U2SURP: variants seen among roughly 807,000 people sequenced by gnomAD.
The protein encoded by U2SURP is U2 snRNP-associated SURP motif-containing protein.
Under a neutral mutation model 144.9 loss-of-function variants are expected in U2SURP, and 9 were observed. The observed-to-expected ratio is 0.06, with a 90% CI of 0.04 to 0.11. The LOEUF (loss-of-function observed/expected upper bound fraction) is 0.11, where lower values mean the gene tolerates loss of function less well. U2SURP is among the 10% of genes least tolerant of loss of function. The pLI, the probability that U2SURP is intolerant of heterozygous loss-of-function variation, is 1.00. For missense variants in U2SURP, 724 were observed against 1,226.7 expected (o/e 0.59, Z 6.12); for synonymous variants, 408 against 396.8 (o/e 1.03, Z -0.33).
rs548811212 is a variant in U2SURP at position 143,021,002 on chromosome 3, G to T, written c.733+309G>T. Reference sequence around the variant, plus strand: ...AGGTCAGGAGTTCGAGACCAGCCTGGCCAACATGATGAAACCCTGTCTGTA... The same window carrying T: ...AGGTCAGGAGTTCGAGACCAGCCTGTCCAACATGATGAAACCCTGTCTGTA... On this transcript the variant is annotated intron_variant, in intron 8 of 27. Transcript: ENST00000473835. Among the ~76,000 whole-genome samples the T allele has an allele frequency of 7.9e-4, 121 of 152,256 alleles. 1 individual carries two copies. The highest frequency in any genetic ancestry group is 2.7e-3 in the African/African-American group (114 of 41,542).
At position 143,038,060 on chromosome 3, in the gene U2SURP, G is replaced by A. The variant is rs145425235; in HGVS notation, c.2222-48G>A. On this transcript the variant is annotated intron_variant, in intron 21 of 27. Coordinates refer to ENST00000473835, the MANE Select transcript of U2SURP (RefSeq NM_001080415.2). ...TGAATACCCATGAATGTAATACTTC[G>A]GGTCATCCACTAGTAGTCAGGGTTA... 2,345 of 1,371,408 alleles carry A rather than the reference G, an allele frequency of 1.7e-3. 42 individuals are homozygous for A. The African/African-American group carries it at 0.031, about 18-fold the overall frequency. 85.0% of individuals were successfully genotyped at this position (1,371,408 alleles called of 1,614,324 possible).
intron 14 of U2SURP, among the ~76,000 whole-genome samples, 185 bp from the exon 15 acceptor site, chr3:143,028,150 CAGTCT>C (rs1254739718): frequency 2.0e-5 from 3 of 152,106 alleles, no homozygotes; most frequent in African/African-American, 7.2e-5. Flanking sequence ...GTCACTAAGG[CAGTCT>C]AGGGCTGCAG....
At chr3:143,032,621 G>T (rs1194602103) in intron 16 of U2SURP, among the ~76,000 whole-genome samples, 163 bp from the exon 17 acceptor site, 2 of 152,144 alleles carry the variant, frequency 1.3e-5, no homozygotes, top group African/African-American at 4.8e-5. Flanking sequence ...TCAAAAAATT[G>T]TAACAATTTT....
intron 1 of U2SURP, among the ~76,000 whole-genome samples, 168 bp downstream of exon 1, chr3:143,001,841 C>G (rs1298272821): frequency 2.0e-5 from 3 of 152,224 alleles, no homozygotes; most frequent in African/African-American, 4.8e-5. Flanking sequence ...GGCCTGGTAT[C>G]TCCCCATAGT....
intron 27 of U2SURP, 32 bp from the exon 28 acceptor site, chr3:143,056,276 CTTTA>C (rs1935148215): frequency 6.4e-7 from 1 of 1,568,246 alleles, no homozygotes; most frequent in Non-Finnish European, 8.7e-7. Context: ...CACATGAGTA[CTTTA>C]TCAATTGGGA....
intron 12 of U2SURP, chr3:143,023,267 A>G: frequency 2.0e-6 from 1 of 490,300 alleles, no homozygotes; most frequent in Non-Finnish European, 3.5e-6. Context: ...TGTGGCTACC[A>G]TTCCTTTTTT....
At chr3:143,034,607 A>C (rs1307127677) in intron 18 of U2SURP, 1 of 203,006 alleles carries the variant, frequency 4.9e-6, no homozygotes, top group Non-Finnish European at 9.8e-6. Context: ...AAAATAAAGA[A>C]ATTGGACGAG....
In U2SURP at chr3:143,001,590, C is replaced by G. The variant is rs1249751818; in HGVS notation, c.-39C>G. ...CCGCTCTTTCGGTGCTCGACTCGCCCGTGCTGCTGCCGCCGCCGAAGGAGG... is the reference window on the plus strand; with the variant it reads ...CCGCTCTTTCGGTGCTCGACTCGCCGGTGCTGCTGCCGCCGCCGAAGGAGG... On this transcript the variant is annotated 5_prime_UTR_variant, in exon 1 of 28. Transcript: ENST00000473835. 1.9e-6 allele frequency: 3 copies of G among 1,612,164 alleles called. No individual in the cohort carries two copies. Among genetic ancestry groups the G allele is most frequent in the Non-Finnish European group, 2.5e-6 (3 of 1,179,332 alleles).
Position 143,010,595 on chromosome 3 carries a change from A to G in U2SURP, c.46-220A>G, listed in dbSNP as rs1303667888. The stretch of plus-strand genomic sequence containing the variant: ...CATATATATCCCACTAGTGTTTATT[A>G]TATTTTTGGAAATATGCAGGCTGAA... On this transcript the variant is annotated intron_variant, in intron 1 of 27. Transcript: ENST00000473835. Among the ~76,000 whole-genome samples the G allele has an allele frequency of 8.5e-5, 13 of 152,192 alleles. 1 individual carries two copies. Among genetic ancestry groups the G allele is most frequent in the Middle Eastern group, 6.3e-3 (2 of 316 alleles).
Position 143,016,904 on chromosome 3 carries a change from C to CA in U2SURP, c.506dup (p.Asn169LysfsTer9). ...TAAGCCATCTTCAAGATTTGCAGATCAAAAAAATCCTCCAAATCAGTCTTC... is the reference window on the plus strand; with the variant it reads ...TAAGCCATCTTCAAGATTTGCAGATCAAAAAAAATCCTCCAAATCAGTCTTC... On this transcript the variant is annotated frameshift_variant, in exon 6 of 28. Transcript: ENST00000473835. LOFTEE classifies it high-confidence loss of function. 6.3e-7 allele frequency: 1 copy of CA among 1,594,758 alleles called. No individual in the cohort carries two copies. The highest frequency in any genetic ancestry group is 8.5e-7 in the Non-Finnish European group (1 of 1,172,836).
Position 143,047,624 on chromosome 3 carries a change from G to T in U2SURP, c.2545-3315G>T, listed in dbSNP as rs1374073678. Among the ~76,000 whole-genome samples, 298 of 45,158 alleles carry T rather than the reference G, an allele frequency of 6.6e-3. 29 individuals carry two copies. Among genetic ancestry groups the T allele is most frequent in the African/African-American group, 0.038 (273 of 7,140 alleles). 29.6% of individuals were successfully genotyped at this position (45,158 alleles called of 152,430 possible). A position where few individuals can be genotyped will look rare whatever the true frequency, so the allele number is the denominator to read the frequency against. ...GACGGGGCGGCTGGCCGGGCAGGGG[G>T]CTGACCCCCCCTCCCGCCTCCCGGA... On this transcript the variant is annotated intron_variant, in intron 24 of 27. Coordinates refer to ENST00000473835, the MANE Select transcript of U2SURP (RefSeq NM_001080415.2).
At position 143,056,577 on chromosome 3, in the gene U2SURP, T is replaced by C. The variant is rs1350187055; in HGVS notation, c.*127T>C. The C allele has an allele frequency of 3.5e-6, 4 of 1,152,060 alleles. No homozygotes were observed. Among genetic ancestry groups the C allele is most frequent in the East Asian group, 2.6e-5 (1 of 39,124 alleles). 71.4% of individuals were successfully genotyped at this position (1,152,060 alleles called of 1,614,324 possible). On this transcript the variant is annotated 3_prime_UTR_variant, in exon 28 of 28. Coordinates refer to ENST00000473835, the MANE Select transcript of U2SURP (RefSeq NM_001080415.2). Reference sequence around the variant, plus strand: ...CTGGGGTTTTTTGTTTGTTTGTGTATGCATGTGTAAACTCATGAGCAACTG... The same window carrying C: ...CTGGGGTTTTTTGTTTGTTTGTGTACGCATGTGTAAACTCATGAGCAACTG...
intron 20 of U2SURP, 145 bp downstream of exon 20, chr3:143,036,249 C>A: frequency 1.1e-6 from 1 of 926,936 alleles, no homozygotes; most frequent in Non-Finnish European, 1.4e-6. Context: ...ATTTTTATTG[C>A]TGGAACCCAG....
intron 26 of U2SURP, among the ~76,000 whole-genome samples, chr3:143,054,510 T>C (rs546116633): frequency 2.6e-5 from 4 of 152,338 alleles, no homozygotes; most frequent in African/African-American, 9.6e-5. Context: ...GTATAATTGA[T>C]AGTTACCCTT....
At position 143,046,920 on chromosome 3, in the gene U2SURP, C is replaced by T. The variant is rs1203665230; in HGVS notation, c.2544+3644C>T. Among the ~76,000 whole-genome samples the T allele has an allele frequency of 1.5e-4, 16 of 108,720 alleles. No homozygotes were observed. In the East Asian group the frequency reaches 2.7e-3, roughly 19 times the overall value. The allele number at this position is 108,720 out of a possible 152,430, so 71.3% of individuals were successfully genotyped here. ...CCGGGCAGAGGCGCCGCTCACCTCC[C>T]GGACGGGGCGGCTGGCCGGGCAGGG... On this transcript the variant is annotated intron_variant, in intron 24 of 27. Transcript: ENST00000473835.
Position 143,043,131 on chromosome 3 carries a change from G to T in U2SURP, c.2399G>T (p.Ser800Ile). 1 of 1,603,602 alleles carries T rather than the reference G, an allele frequency of 6.2e-7. No homozygotes were observed. The highest frequency in any genetic ancestry group is 8.5e-7 in the Non-Finnish European group (1 of 1,175,400). The change falls in exon 24 of 28, where the codon AGT (serine) becomes ATT (isoleucine). Residue 800 changes from serine (S) to isoleucine (I), a missense_variant. Transcript: ENST00000473835. ...TGTTTCTAAAGTCAAGAAGAAGAAA[G>T]TGAAGATGAAGAAGATACTCAAAGT... is the stretch of plus-strand genomic sequence containing the variant. Reference protein sequence around the residue: ...EEENQNQEEESEDEEDTQSSK... With the variant: ...EEENQNQEEEIEDEEDTQSSK...
At chr3:143,010,425 A>C (rs1458907562) in intron 1 of U2SURP, among the ~76,000 whole-genome samples, 1 of 152,150 alleles carries the variant, frequency 6.6e-6, no homozygotes, top group African/African-American at 2.4e-5. Context: ...AGAGAAAGAG[A>C]GTTCTCGTGC....
chr3:143,037,727 G>A (rs917993448), intron 21 of U2SURP, among the ~76,000 whole-genome samples: 1 of 151,978 alleles, frequency 6.6e-6, no homozygotes, highest in Non-Finnish European at 1.5e-5. Context: ...TTTCCTAGCT[G>A]CCTAAAATCA....
chr3:143,032,776 A>G lies in U2SURP; in HGVS notation c.1611-8A>G. The G allele has an allele frequency of 6.2e-7, 1 of 1,605,688 alleles. No individual in the cohort carries two copies. On this transcript the variant is annotated splice_region_variant and splice_polypyrimidine_tract_variant and intron_variant, in intron 16 of 27. Coordinates refer to ENST00000473835, the MANE Select transcript of U2SURP (RefSeq NM_001080415.2). ...AAATATTTATAAGTTAAAACAATTT[A>G]TGTTCAGACAGAGGGATAAATTGGA...
Sources: allele counts gnomAD v4.1 joint callset (sites outside exome capture counted in the v4.1 genomes callset), GRCh38; gene constraint gnomAD v4.1.1; transcripts MANE v1.5; gene names NCBI Gene and HGNC (gene_info 2026-07-23, HGNC 2026-07-21).